The following THNSL1 variants were observed in gnomAD, a reference collection of about 807,000 sequenced individuals.
The protein encoded by THNSL1 is threonine synthase-like 1.
A neutral mutation model predicts 50.4 loss-of-function variants in THNSL1; 48 were observed. The observed-to-expected ratio is 0.95, with a 90% confidence interval of 0.76 to 1.21. The LOEUF is 1.21. Among genes scored for constraint, THNSL1 ranks in the 50% most tolerant of loss-of-function variants. The pLI, the probability that THNSL1 is intolerant of heterozygous loss-of-function variation, is 0.00. For synonymous variants in THNSL1, 309 were observed against 306.1 expected (o/e 1.01, Z -0.10); for missense variants, 896 against 871.7 (o/e 1.03, Z -0.35).
chr10:24,962,830 C>T, the THNSL1 span, among the ~76,000 whole-genome samples: 14 of 152,168 alleles, frequency 9.2e-5, no homozygotes, highest in Non-Finnish European at 1.5e-5. Flanking sequence ...GTCATTATCT[C>T]AATTTGTCTC....
chr10:24,967,229 T>C, the THNSL1 span, among the ~76,000 whole-genome samples: 3 of 151,966 alleles, frequency 2.0e-5, no homozygotes, highest in South Asian at 6.2e-4. Context: ...TGTGCGTGCA[T>C]GCACTGAAGA....
chr10:24,999,384 A>G, the THNSL1 span: 1 of 1,580,688 alleles, frequency 6.3e-7, no homozygotes, highest in Admixed American at 2.0e-5. Flanking sequence ...TTAAAAATAA[A>G]GCATGATAAA....
the THNSL1 span, chr10:24,952,381 C>A: frequency 5.5e-6 from 5 of 914,924 alleles, no homozygotes; most frequent in Admixed American, 2.2e-5. This position sits in a 1 kb window ranked among gnomAD's most constrained non-coding sequence, Gnocchi z 5.1. Flanking sequence ...GGCCCGGGTC[C>A]GAGGATGGAA....
At chr10:24,962,486 C>A in the THNSL1 span, among the ~76,000 whole-genome samples, 1 of 152,162 alleles carries the variant, frequency 6.6e-6, no homozygotes, top group African/African-American at 2.4e-5. Flanking sequence ...AACTACATCA[C>A]TAAATCTCAA....
At chr10:24,984,420 T>G in the THNSL1 span, 1 of 1,574,470 alleles carries the variant, frequency 6.4e-7, no homozygotes, top group Non-Finnish European at 8.6e-7. Flanking sequence ...AGTGCTGACT[T>G]TATTTTTCAG....
the THNSL1 span, among the ~76,000 whole-genome samples, chr10:24,991,902 GA>G: frequency 6.6e-6 from 1 of 152,166 alleles, no homozygotes; most frequent in East Asian, 1.9e-4. Context: ...TCGACCCATA[GA>G]CCCTGCTTTG....
At chr10:24,966,218 TA>T in the THNSL1 span, among the ~76,000 whole-genome samples, 2 of 152,244 alleles carry the variant, frequency 1.3e-5, no homozygotes, top group South Asian at 4.1e-4. Flanking sequence ...ATATGTCACT[TA>T]CACAATTTGC....
At chr10:24,977,855 G>A in the THNSL1 span, among the ~76,000 whole-genome samples, 13 of 152,270 alleles carry the variant, frequency 8.5e-5, no homozygotes, top group East Asian at 2.1e-3. Context: ...CAGAAGTTCA[G>A]GAATGGGATG....
chr10:24,996,456 G>GTATATATATA, the THNSL1 span, among the ~76,000 whole-genome samples: 10 of 149,806 alleles, frequency 6.7e-5, no homozygotes, highest in African/African-American at 2.0e-4. Context: ...GTGTGTGTGT[G>GTATATATATA]TATATATATA....
intron 1 of THNSL1, among the ~76,000 whole-genome samples, chr10:25,021,138 T>C (rs1242695641): frequency 2.6e-5 from 4 of 152,198 alleles, no homozygotes; most frequent in Non-Finnish European, 4.4e-5. Flanking sequence ...GCCTTGTACC[T>C]ACATATTTGG....
At chr10:24,967,700 A>G in the THNSL1 span, among the ~76,000 whole-genome samples, 1 of 150,222 alleles carries the variant, frequency 6.7e-6, no homozygotes, top group Admixed American at 6.6e-5. Flanking sequence ...ATATGTGTGT[A>G]TGATGTGTGT....
chr10:24,983,264 A>T, the THNSL1 span: 1 of 152,104 alleles, frequency 6.6e-6, no homozygotes, highest in Non-Finnish European at 1.5e-5. Context: ...AGCGATGCAA[A>T]CGGGAATGAT....
the THNSL1 span, chr10:24,990,576 G>T: frequency 6.2e-7 from 1 of 1,612,668 alleles, no homozygotes; most frequent in Non-Finnish European, 8.5e-7. Flanking sequence ...TCCTCGTTTC[G>T]CTTACATATG....
Position 25,023,996 on chromosome 10 carries a change from G to T in THNSL1, c.773G>T (p.Gly258Val). ...TTCTTTAGTGAAGCTGTAATTGAGGGGTTGGCTTCTGATGGTGGCCTCTTT... is the reference window on the plus strand; with the variant it reads ...TTCTTTAGTGAAGCTGTAATTGAGGTGTTGGCTTCTGATGGTGGCCTCTTT... ...AKFFSEAVIE[G>V]LASDGGLFVP... is the part of the protein sequence containing the mutation. Residue 258 changes from glycine (G) to valine (V), a missense_variant, in exon 3 of 3, where the codon GGG (glycine) becomes GTG (valine). Gly to Val is a moderately radical substitution (Grantham distance 109, BLOSUM62 -3). Transcript: ENST00000376356. 1 of 1,614,148 alleles carries T rather than the reference G, an allele frequency of 6.2e-7. No individual in the cohort carries two copies. Among genetic ancestry groups the T allele is most frequent in the Non-Finnish European group, 8.5e-7 (1 of 1,180,006 alleles).
the THNSL1 span, among the ~76,000 whole-genome samples, chr10:24,996,389 T>C: frequency 6.6e-6 from 1 of 152,044 alleles, no homozygotes; most frequent in Admixed American, 6.5e-5. Flanking sequence ...GCCATTGTAC[T>C]CCAGCCTGGG....
At chr10:24,967,339 C>T in the THNSL1 span, among the ~76,000 whole-genome samples, 1 of 152,142 alleles carries the variant, frequency 6.6e-6, no homozygotes, top group East Asian at 1.9e-4. Context: ...CAGCTGGTAC[C>T]ACCTGGTCTG....
chr10:24,987,044 C>T, the THNSL1 span, among the ~76,000 whole-genome samples: 3 of 152,188 alleles, frequency 2.0e-5, no homozygotes, highest in Non-Finnish European at 4.4e-5. Flanking sequence ...TGGGGTGCTC[C>T]CAGCTCTTTC....
chr10:24,965,301 C>T, the THNSL1 span, among the ~76,000 whole-genome samples: 45 of 152,248 alleles, frequency 3.0e-4, 1 homozygote, highest in South Asian at 8.5e-3. Flanking sequence ...TCACTATCAC[C>T]GCCACCCACT....
At chr10:24,957,009 C>A in the THNSL1 span, among the ~76,000 whole-genome samples, 3 of 152,176 alleles carry the variant, frequency 2.0e-5, no homozygotes, top group Non-Finnish European at 2.9e-5. Flanking sequence ...ACCATCCCCC[C>A]TCAAAATCCG....
Sources: allele counts gnomAD v4.1 joint callset (sites outside exome capture counted in the v4.1 genomes callset), GRCh38; gene constraint gnomAD v4.1.1; non-coding constraint Gnocchi (gnomAD v3.1); transcripts MANE v1.5; gene names NCBI Gene and HGNC (gene_info 2026-07-23, HGNC 2026-07-21).